The following CYRIB variants were observed in gnomAD, a reference collection of about 807,000 sequenced individuals.
CYRIB encodes CYFIP related Rac1 interactor B, also known as CYFIP-related Rac1 interactor B.
A neutral mutation model predicts 44.2 loss-of-function variants in CYRIB; 8 were observed. The ratio of observed to expected loss-of-function variants is 0.18; its 90% CI spans 0.11 to 0.33. The LOEUF is 0.33. CYRIB is among the 10% of genes least tolerant of loss of function. CYRIB has a pLI of 1.00. For missense variants in CYRIB, 185 were observed against 382.8 expected (o/e 0.48, Z 4.31); for synonymous variants, 131 against 127.2 (o/e 1.03, Z -0.20).
intron 2 of CYRIB, among the ~76,000 whole-genome samples, chr8:129,883,044 G>A (rs1033188989): frequency 1.4e-5 from 2 of 147,046 alleles, no homozygotes; most frequent in African/African-American, 5.1e-5. Context: ...AAAGGAGGCG[G>A]CAGTTGTAGG....
At position 130,015,149 on chromosome 8, in the gene CYRIB, C is replaced by T. The variant is rs796892542; in HGVS notation, c.-296+1221G>A. 1.2e-4 allele frequency among the ~76,000 whole-genome samples: 18 copies of T among 152,272 alleles called. 1 individual carries two copies. Among genetic ancestry groups the T allele is most frequent in the African/African-American group, 4.3e-4 (18 of 41,550 alleles). ...CCATCCAACCCAGATAGCAAAATTG[C>T]TCCCTGGAGATCCTGGATGGATGTT... On this transcript the variant is annotated intron_variant, in intron 1 of 14. Coordinates refer to the CYRIB transcript ENST00000401979.
chr8:129,888,868 G>A (rs1466663989), intron 2 of CYRIB, among the ~76,000 whole-genome samples: 5 of 152,112 alleles, frequency 3.3e-5, no homozygotes, highest in African/African-American at 9.7e-5. Context: ...CGAGGTGGGC[G>A]GATCACCTGA....
intron 1 of CYRIB, among the ~76,000 whole-genome samples, chr8:129,924,291 CG>C (rs796090081): frequency 0.03 from 43 of 1,412 alleles, no homozygotes; most frequent in African/African-American, 0.056. Context: ...AAAAAAAAAC[CG>C]GGGGGGGGGG....
At position 129,955,606 on chromosome 8, in the gene CYRIB, G is replaced by A. The variant is rs140623201; in HGVS notation, c.-243+15337C>T. 5.2e-4 allele frequency among the ~76,000 whole-genome samples: 79 copies of A among 152,240 alleles called. No individual in the cohort carries two copies. In the South Asian group the frequency reaches 0.011, roughly 20 times the overall value. ...ACAGCCCTATTTACCTCTTACAAGC[G>A]TTCTACGGTGTATCAAAAAGACCAA... is the stretch of plus-strand genomic sequence containing the variant. On this transcript the variant is annotated intron_variant, in intron 2 of 14. Coordinates refer to the CYRIB transcript ENST00000401979.
chr8:129,931,227 A>C (rs139372466), intron 1 of CYRIB, among the ~76,000 whole-genome samples: 172 of 150,492 alleles, frequency 1.1e-3, no homozygotes, highest in African/African-American at 3.4e-3. Context: ...CATTTACCTA[A>C]ATCTACACAT....
chr8:129,981,973 A>C (rs1175097786), intron 1 of CYRIB, among the ~76,000 whole-genome samples: 1 of 152,196 alleles, frequency 6.6e-6, no homozygotes, highest in Non-Finnish European at 1.5e-5. Context: ...GAGTAACTCG[A>C]GTGGGCATTC....
At chr8:129,843,865 G>C (rs1403980744) in intron 11 of CYRIB, 3 of 152,118 alleles carry the variant, frequency 2.0e-5, no homozygotes, top group Admixed American at 2.0e-4. Context: ...CTCCCAAACT[G>C]TTCTCATGTT....
At chr8:130,011,436 G>T (rs1048121304) in intron 1 of CYRIB, among the ~76,000 whole-genome samples, 5 of 151,988 alleles carry the variant, frequency 3.3e-5, no homozygotes, top group African/African-American at 1.2e-4. Context: ...CAGGAGAATC[G>T]CTTGAACCCG....
chr8:129,961,958 T>G (rs796310293), intron 2 of CYRIB, among the ~76,000 whole-genome samples: 24 of 152,252 alleles, frequency 1.6e-4, no homozygotes, highest in Admixed American at 7.2e-4. Context: ...AATAAAAATT[T>G]TTTAATTGCG....
intron 1 of CYRIB, among the ~76,000 whole-genome samples, chr8:129,989,380 C>A (rs1428845840): frequency 6.6e-6 from 1 of 152,224 alleles, no homozygotes; most frequent in Non-Finnish European, 1.5e-5. Context: ...CGGACCGAGG[C>A]TGTTCTCAAG....
At chr8:129,902,965 A>T (rs927606435) in intron 2 of CYRIB, 1 of 152,626 alleles carries the variant, frequency 6.6e-6, no homozygotes, top group African/African-American at 2.4e-5. Flanking sequence ...AATGAAAAAA[A>T]ATATATATGT....
intron 11 of CYRIB, among the ~76,000 whole-genome samples, chr8:129,846,170 G>A (rs949738705): frequency 1.3e-5 from 2 of 152,144 alleles, no homozygotes; most frequent in African/African-American, 4.8e-5. Flanking sequence ...GTAGAAGTTT[G>A]AGCAACTAAA....
intron 3 of CYRIB, 49 bp from the exon 6 acceptor site, chr8:129,871,545 A>G (rs769336165): frequency 6.3e-7 from 1 of 1,593,698 alleles, no homozygotes. Flanking sequence ...TGAATTTTTT[A>G]AAATACATGT....
chr8:129,891,858 T>A (rs2134927644), intron 2 of CYRIB, among the ~76,000 whole-genome samples: 1 of 152,304 alleles, frequency 6.6e-6, no homozygotes, highest in African/African-American at 2.4e-5. Flanking sequence ...TATTATAGAA[T>A]GAAAAATCTT....
chr8:129,931,780 CCA>C (rs2091469958), intron 1 of CYRIB, among the ~76,000 whole-genome samples: 1 of 151,774 alleles, frequency 6.6e-6, no homozygotes, highest in Non-Finnish European at 1.5e-5. Context: ...GCGTGCACCA[CCA>C]CACCCAGCTA....
chr8:129,933,048 A>G (rs185973876), intron 1 of CYRIB, among the ~76,000 whole-genome samples: 148 of 152,348 alleles, frequency 9.7e-4, no homozygotes, highest in African/African-American at 3.3e-3. Context: ...ATGGTCCCAC[A>G]TGAAAGGCTG....
intron 1 of CYRIB, among the ~76,000 whole-genome samples, chr8:130,006,452 A>AAAAATAAAATAAAAT (rs568957867): frequency 6.8e-6 from 1 of 146,358 alleles, no homozygotes; most frequent in African/African-American, 2.6e-5. Flanking sequence ...TCTCATCTCA[A>AAAAATAAAATAAAAT]AAAATAAAAT....
At position 129,842,340 on chromosome 8, in the gene CYRIB, C is replaced by A. The variant is rs965369578; in HGVS notation, c.912-135G>T. 1.7e-5 allele frequency: 11 copies of A among 656,738 alleles called. No homozygotes were observed. In the Admixed American group the frequency reaches 2.5e-4, roughly 15 times the overall value. The allele number at this position is 656,738 out of a possible 1,614,324, so 40.7% of individuals were successfully genotyped here. A position where few individuals can be genotyped will look rare whatever the true frequency, so the allele number is the denominator to read the frequency against. On this transcript the variant is annotated intron_variant, in intron 11 of 11. Transcript: ENST00000519824. ...TTATGGCTTCTCATTGTAGCTTTAACCCTGTTCAGGTTCTGCACAGCCTGT... is the reference window on the plus strand; with the variant it reads ...TTATGGCTTCTCATTGTAGCTTTAAACCTGTTCAGGTTCTGCACAGCCTGT...
chr8:129,992,828 T>C (rs910366724), intron 1 of CYRIB, among the ~76,000 whole-genome samples: 1 of 152,158 alleles, frequency 6.6e-6, no homozygotes, highest in Non-Finnish European at 1.5e-5. Context: ...GTGGGAACCA[T>C]GACAAAGCAA....
Sources: allele counts gnomAD v4.1 joint callset (sites outside exome capture counted in the v4.1 genomes callset), GRCh38; gene constraint gnomAD v4.1.1; transcripts MANE v1.5; gene names NCBI Gene and HGNC (gene_info 2026-07-23, HGNC 2026-07-21).